DPYS: variants seen among roughly 807,000 people sequenced by gnomAD.
The protein encoded by DPYS is dihydropyrimidine amidohydrolase.
A neutral mutation model predicts 50.3 loss-of-function variants in DPYS; 39 were observed. The observed-to-expected ratio is 0.78, with a 90% CI of 0.60 to 1.01. The LOEUF is 1.01. DPYS is among the 50% of genes least tolerant of loss of function. The pLI, the probability that DPYS is intolerant of heterozygous loss-of-function variation, is 0.00. For missense variants in DPYS, 659 were observed against 680.9 expected (o/e 0.97, Z 0.36); for synonymous variants, 245 against 250.7 (o/e 0.98, Z 0.22).
At chr8:104,425,018 CG>C (rs1564096619) in intron 6 of DPYS, among the ~76,000 whole-genome samples, 1 of 151,854 alleles carries the variant, frequency 6.6e-6, no homozygotes, top group African/African-American at 2.4e-5. Context: ...TTAGTAGAGA[CG>C]GGGTTTCACC....
intron 3 of DPYS, 123 bp downstream of exon 3, chr8:104,447,201 T>C: frequency 1.6e-6 from 2 of 1,288,806 alleles, no homozygotes; most frequent in Non-Finnish European, 2.2e-6. Context: ...CCACGGAAAA[T>C]CCATTTCTGG....
At chr8:104,459,765 T>C (rs141910961) in intron 1 of DPYS, among the ~76,000 whole-genome samples, 1 of 152,200 alleles carries the variant, frequency 6.6e-6, no homozygotes, top group South Asian at 2.1e-4. Flanking sequence ...GATTGACTTA[T>C]CACTAGAGAC....
intron 4 of DPYS, among the ~76,000 whole-genome samples, chr8:104,440,495 C>G (rs566039452): frequency 3.9e-5 from 6 of 152,142 alleles, no homozygotes; most frequent in Non-Finnish European, 8.8e-5. Context: ...GGGCTCCTGA[C>G]GTCAGGTGAT....
intron 1 of DPYS, among the ~76,000 whole-genome samples, chr8:104,466,455 C>A (rs1814396123): frequency 6.6e-6 from 1 of 152,136 alleles, no homozygotes; most frequent in African/African-American, 2.4e-5. Flanking sequence ...CGGCTGCCGC[C>A]GAGAAGGGGC....
chr8:104,456,497 C>T (rs1308742667), intron 1 of DPYS, among the ~76,000 whole-genome samples: 3 of 152,174 alleles, frequency 2.0e-5, no homozygotes, highest in East Asian at 1.9e-4. Flanking sequence ...AGAGGAACAA[C>T]CACTTATCTT....
intron 8 of DPYS, among the ~76,000 whole-genome samples, chr8:104,383,529 G>A (rs1811122447): frequency 6.6e-6 from 1 of 151,964 alleles, no homozygotes; most frequent in South Asian, 2.1e-4. Flanking sequence ...TTGTGGTTTG[G>A]CCTGGCGTGG....
intron 1 of DPYS, among the ~76,000 whole-genome samples, chr8:104,465,871 T>C (rs915226326): frequency 2.8e-4 from 42 of 152,082 alleles, no homozygotes; most frequent in South Asian, 2.1e-4. Context: ...GGAGTGGTGA[T>C]CTGATTACCC....
Position 104,424,260 on chromosome 8 carries a change from G to A in DPYS, c.1222C>T (p.Pro408Ser), listed in dbSNP as rs781577893. ...ACTTAGACTTACCTTGTGCCTTTTG[G>A]GTCCCAAATAACAATGTCAGCATCT... Reference protein sequence around the residue: ...GSDADIVIWDPKGTRTISAKT... With the variant: ...GSDADIVIWDSKGTRTISAKT... The change falls in exon 7 of 10, where the codon CCA becomes TCA. Residue 408 changes from proline to serine, a missense_variant. Coordinates refer to ENST00000351513, the MANE Select transcript of DPYS (RefSeq NM_001385.3). 6.3e-5 allele frequency: 101 copies of A among 1,613,890 alleles called. No individual in the cohort carries two copies. Among genetic ancestry groups the A allele is most frequent in the South Asian group, 5.9e-4 (54 of 91,064 alleles).
rs3793351 is a variant in DPYS at position 104,417,810 on chromosome 8, A to G, written c.1235+6437T>C. Among the ~76,000 whole-genome samples, 120 of 152,344 alleles carry G rather than the reference A, an allele frequency of 7.9e-4. 2 individuals carry two copies. In the East Asian group the frequency reaches 0.022, roughly 27 times the overall value. On this transcript the variant is annotated intron_variant, in intron 7 of 9. Coordinates refer to ENST00000351513, the MANE Select transcript of DPYS (RefSeq NM_001385.3). ...TTTACAGGCTAGTGACGTCTTAGGT[A>G]ATCTTTCATCAGGATGTCCAAACCT...
chr8:104,383,996 G>A (rs150995389), intron 8 of DPYS, among the ~76,000 whole-genome samples: 3 of 152,196 alleles, frequency 2.0e-5, no homozygotes, highest in East Asian at 3.9e-4. Context: ...CCCTGGTCAC[G>A]CTGACCATCA....
intron 7 of DPYS, among the ~76,000 whole-genome samples, chr8:104,407,955 GA>G (rs34571719): frequency 0.21 from 30,705 of 146,368 alleles, 3,831 homozygotes; most frequent in Non-Finnish European, 0.28. Context: ...AAGACAGGAA[GA>G]AAAAAAAAAA....
At chr8:104,399,431 T>A (rs1285189048) in intron 7 of DPYS, among the ~76,000 whole-genome samples, 1 of 151,902 alleles carries the variant, frequency 6.6e-6, no homozygotes, top group Non-Finnish European at 1.5e-5. Flanking sequence ...GCATCATGTA[T>A]CTTTTGCAGC....
chr8:104,455,700 A>C (rs1407612060), intron 1 of DPYS, among the ~76,000 whole-genome samples: 1 of 152,156 alleles, frequency 6.6e-6, no homozygotes, highest in Non-Finnish European at 1.5e-5. Flanking sequence ...GGGAGCGAGA[A>C]GCCAGACATG....
At chr8:104,452,959 G>T (rs1012670245) in intron 1 of DPYS, among the ~76,000 whole-genome samples, 2 of 152,040 alleles carry the variant, frequency 1.3e-5, no homozygotes, top group Non-Finnish European at 2.9e-5. Flanking sequence ...TCCCTATATC[G>T]TGTTACCTCA....
chr8:104,399,026 C>T (rs1165866413), intron 7 of DPYS, among the ~76,000 whole-genome samples: 1 of 152,136 alleles, frequency 6.6e-6, no homozygotes, highest in African/African-American at 2.4e-5. Context: ...CATGGTGGCT[C>T]ACGCCTGTAA....
At chr8:104,418,313 G>A (rs1812433154) in intron 7 of DPYS, among the ~76,000 whole-genome samples, 1 of 152,096 alleles carries the variant, frequency 6.6e-6, no homozygotes, top group South Asian at 2.1e-4. Context: ...AGGAAATTTT[G>A]TAGGAAAATT....
Position 104,399,506 on chromosome 8 carries a change from C to T in DPYS, c.1236-6515G>A, listed in dbSNP as rs1307967102. On this transcript the variant is annotated intron_variant, in intron 7 of 9. Coordinates refer to ENST00000351513, the MANE Select transcript of DPYS (RefSeq NM_001385.3). ...CCTGAGACATGCAGGAGAACAAGAA[C>T]TGTGGTTTGGCCCCTTGACATCCAT... is the stretch of plus-strand genomic sequence containing the variant. 2.0e-5 allele frequency among the ~76,000 whole-genome samples: 3 copies of T among 152,020 alleles called. No individual in the cohort carries two copies. In the East Asian group the frequency reaches 5.8e-4, roughly 29 times the overall value.
At chr8:104,446,250 C>T (rs550080801) in intron 3 of DPYS, among the ~76,000 whole-genome samples, 3 of 151,670 alleles carry the variant, frequency 2.0e-5, no homozygotes, top group Admixed American at 6.6e-5. Flanking sequence ...ATGTACCCCA[C>T]AAAAATAAAA....
At chr8:104,431,347 C>T (rs1322800144) in intron 4 of DPYS, among the ~76,000 whole-genome samples, 1 of 151,758 alleles carries the variant, frequency 6.6e-6, no homozygotes, top group Non-Finnish European at 1.5e-5. Context: ...CTTGGAAGGG[C>T]TTAGCTCCTT....
Sources: gnomAD v4.1 joint callset for allele counts (sites outside exome capture counted in the v4.1 genomes callset) on GRCh38, gnomAD v4.1.1 for gene constraint, MANE v1.5 for transcripts, NCBI Gene and HGNC (gene_info 2026-07-23, HGNC 2026-07-21) for gene names.